ZNF287: variants seen among roughly 807,000 people sequenced by gnomAD.
ZNF287 encodes the protein zinc finger protein with KRAB and SCAN domains 13.
ZNF287 carries 31 observed loss-of-function variants against 73.7 expected under a neutral mutation model. The ratio of observed to expected loss-of-function variants is 0.42; its 90% CI spans 0.32 to 0.57. ZNF287 has a LOEUF of 0.57. Among genes scored for constraint, ZNF287 ranks in the 20% least tolerant of loss-of-function variants. The pLI is 0.13. For synonymous variants in ZNF287, 301 were observed against 307.2 expected, an observed-to-expected ratio of 0.98 and a Z score of 0.21; for missense variants, 641 against 909.3, an observed-to-expected ratio of 0.70 and a Z score of 3.79.
chr17:16,551,678 T>C lies in ZNF287; in HGVS notation c.*178A>G, dbSNP rs796342257. 31 of 575,602 alleles carry C rather than the reference T, an allele frequency of 5.4e-5. 1 individual carries two copies. In the African/African-American group the frequency reaches 5.5e-4, roughly 10 times the overall value. The allele number at this position is 575,602 out of a possible 1,614,324, so 35.7% of individuals were successfully genotyped here. ...ATTAAGGTTAAGAAGTCAAGTTTCC[T>C]TCTTAAATTTCACATTAAATCTAAA... On this transcript the variant is annotated 3_prime_UTR_variant, in exon 6 of 6. Transcript: ENST00000395825.
chr17:16,552,111 T>C lies in ZNF287; in HGVS notation c.2031A>G (p.Lys677=), dbSNP rs139615370. 7.8e-4 allele frequency: 1,262 copies of C among 1,614,098 alleles called. 17 individuals are homozygous for C. The African/African-American group carries it at 0.015, about 19-fold the overall frequency. ...TGAAAGCTTTCCCACATTCATTACATTTATAGGGTTTTTCTCCAGTATGAA... is the reference window on the plus strand; with the variant it reads ...TGAAAGCTTTCCCACATTCATTACACTTATAGGGTTTTTCTCCAGTATGAA... ...QRIHTGEKPY[K]CNECGKAFIY... The change falls in exon 6 of 6, where the codon AAA becomes AAG. Residue 677 remains lysine (K), a synonymous_variant. Transcript: ENST00000395825. The surrounding 1 kb of genome is among the most constrained non-coding windows in gnomAD (Gnocchi z 6.5).
intron 3 of ZNF287, among the ~76,000 whole-genome samples, chr17:16,564,884 A>C (rs1480722144): frequency 6.6e-6 from 1 of 151,592 alleles, no homozygotes; most frequent in Non-Finnish European, 1.5e-5. Flanking sequence ...ATGCCCAGCT[A>C]ATTTTTGTAT....
intron 5 of ZNF287, among the ~76,000 whole-genome samples, chr17:16,558,569 G>C (rs1907222612): frequency 6.6e-6 from 1 of 152,162 alleles, no homozygotes; most frequent in Admixed American, 6.5e-5. Flanking sequence ...CAAAGTGCTG[G>C]GGTTACAGGT....
At position 16,553,276 on chromosome 17, in the gene ZNF287, G is replaced by A; in HGVS notation, c.866C>T (p.Thr289Ile). 1 of 1,613,818 alleles carries A rather than the reference G, an allele frequency of 6.2e-7. No individual in the cohort carries two copies. Among genetic ancestry groups the A allele is most frequent in the Non-Finnish European group, 8.5e-7 (1 of 1,179,844 alleles). Residue 289 changes from threonine to isoleucine, a missense_variant, in exon 6 of 6, where the codon ACT becomes ATT. Physicochemically the swap from Thr to Ile is moderately conservative, Grantham distance 89. This residue lies in a region of ZNF287 where 357 missense variants were observed against 442.4 expected (regional missense o/e 0.81). Coordinates refer to ENST00000395825, the MANE Select transcript of ZNF287 (RefSeq NM_020653.4). ...CTTCAAACTGAAACCTCTTTCATCA[G>A]TGTGAATTTTCCAGAAGCCACCTTT... ...RGKGGFWKIH[T>I]DERGFSLKSV...
intron 5 of ZNF287, among the ~76,000 whole-genome samples, chr17:16,560,564 G>A (rs1435832202): frequency 6.6e-6 from 1 of 150,736 alleles, no homozygotes; most frequent in East Asian, 2.0e-4. Context: ...TGGCCAGGCT[G>A]GTCTTGAACT....
intron 5 of ZNF287, 105 bp from the exon 6 acceptor site, chr17:16,553,531 C>G: frequency 1.2e-6 from 1 of 864,948 alleles, no homozygotes; most frequent in Non-Finnish European, 1.6e-6. Context: ...AAGACAACAG[C>G]TCTGAAAACC....
chr17:16,564,173 A>G (rs1907613723), intron 3 of ZNF287, among the ~76,000 whole-genome samples: 1 of 152,302 alleles, frequency 6.6e-6, no homozygotes, highest in African/African-American at 2.4e-5. Flanking sequence ...CATTGCTGGC[A>G]GCTCCATTTT....
intron 5 of ZNF287, among the ~76,000 whole-genome samples, chr17:16,561,165 C>G (rs1006972676): frequency 6.6e-6 from 1 of 152,032 alleles, no homozygotes; most frequent in South Asian, 2.1e-4. Flanking sequence ...AATACAAAAA[C>G]TAGCCGGGTG....
rs148045591 is a variant in ZNF287 at position 16,567,571 on chromosome 17, T to C, written c.161A>G (p.Asn54Ser). ...DTETCRQNFR[N>S]FPYPDLAGPR... ...ACCAGCCAGGTCTGGGTATGGAAAA[T>C]TCCTAAAATTCTGTCGACAGGTCTC... Residue 54 changes from asparagine (N) to serine (S), a missense_variant, in exon 2 of 6, where the codon AAT becomes AGT. By Grantham distance (46) the Asn-to-Ser change is conservative (BLOSUM62 1). Around this residue, in one of 2 missense-constraint regions of ZNF287, gnomAD observed 357 missense variants for 442.4 expected, o/e 0.81. Transcript: ENST00000395825. 6 of 1,614,044 alleles carry C rather than the reference T, an allele frequency of 3.7e-6. No homozygotes were observed. The African/African-American group carries it at 8.0e-5, about 22-fold the overall frequency.
At chr17:16,556,426 A>G (rs1403213967) in intron 5 of ZNF287, among the ~76,000 whole-genome samples, 22 of 152,222 alleles carry the variant, frequency 1.4e-4, no homozygotes, top group Admixed American at 1.4e-3. Context: ...TAATGATATT[A>G]TAAGTTTTCT....
At chr17:16,566,690 A>G in intron 2 of ZNF287, 68 bp from the exon 3 acceptor site, 1 of 1,053,254 alleles carries the variant, frequency 9.5e-7, no homozygotes, top group Non-Finnish European at 1.4e-6. Context: ...CCCCTCACCA[A>G]ATAGATGCCT....
rs572996347 is a variant in ZNF287, at chr17:16,564,103, C to T, written c.502-278G>A. 2.0e-5 allele frequency among the ~76,000 whole-genome samples: 3 copies of T among 152,240 alleles called. No homozygotes were observed. In the East Asian group the frequency reaches 5.8e-4, roughly 29 times the overall value. On this transcript the variant is annotated intron_variant, in intron 3 of 5. Transcript: ENST00000395825. Reference sequence around the variant, plus strand: ...TCCATTTTAAACAGAAAAGGTTTATCATTACTATTTTTAAAAGAGACAGAG... The same window carrying T: ...TCCATTTTAAACAGAAAAGGTTTATTATTACTATTTTTAAAAGAGACAGAG...
chr17:16,568,387 A>C (rs1423963874), intron 1 of ZNF287, among the ~76,000 whole-genome samples: 2 of 152,122 alleles, frequency 1.3e-5, no homozygotes, highest in African/African-American at 2.4e-5. Context: ...CGAGCCATTT[A>C]TCTGCGTTGC....
intron 3 of ZNF287, among the ~76,000 whole-genome samples, chr17:16,564,825 T>G (rs1233554021): frequency 6.6e-6 from 1 of 151,986 alleles, no homozygotes; most frequent in African/African-American, 2.4e-5. Context: ...TCGCCCAGGC[T>G]GGAGTGCAGT....
rs770586135 is a variant in ZNF287, at chr17:16,563,207, C to A, written c.654G>T (p.Val218=). 7 of 1,613,612 alleles carry A rather than the reference C, an allele frequency of 4.3e-6. No individual in the cohort carries two copies. In the South Asian group the frequency reaches 6.6e-5, roughly 15 times the overall value. ...SLGLTVYRPT[V]IPILEEPWMV... is the part of the protein sequence containing the mutation. ...TCCATGGTTCTTCCAATATGGGAAT[C>A]ACAGTTGGTCTGTACACTGTAAGTC... Residue 218 remains valine, a synonymous_variant, in exon 5 of 6, where the codon GTG becomes GTT. Coordinates refer to ENST00000395825, the MANE Select transcript of ZNF287 (RefSeq NM_020653.4).
At chr17:16,563,558 G>T (rs970205937) in intron 4 of ZNF287, 141 bp downstream of exon 4, 8 of 963,350 alleles carry the variant, frequency 8.3e-6, no homozygotes, top group Non-Finnish European at 1.2e-5. Flanking sequence ...TTTGGAAAAC[G>T]GGAGTAAAAC....
chr17:16,561,222 G>A (rs1452652036), intron 5 of ZNF287, among the ~76,000 whole-genome samples: 2 of 152,138 alleles, frequency 1.3e-5, no homozygotes, highest in African/African-American at 4.8e-5. Context: ...GCTGAGGCAG[G>A]AGAATTGCTT....
intron 3 of ZNF287, among the ~76,000 whole-genome samples, 168 bp from the exon 4 acceptor site, chr17:16,563,993 G>C (rs1907600095): frequency 6.6e-6 from 1 of 152,176 alleles, no homozygotes; most frequent in Admixed American, 6.5e-5. Context: ...CAGCCCTACA[G>C]CATCTCTCCA....
chr17:16,567,560 G>C lies in ZNF287; in HGVS notation c.172C>G (p.Pro58Ala). Reference protein sequence around the residue: ...CRQNFRNFPYPDLAGPRKALS... With the variant: ...CRQNFRNFPYADLAGPRKALS... ...GCCTTTCGAGGACCAGCCAGGTCTG[G>C]GTATGGAAAATTCCTAAAATTCTGT... Residue 58 changes from proline (P) to alanine (A), a missense_variant, in exon 2 of 6, where the codon CCA becomes GCA. Pro to Ala is a conservative substitution (Grantham distance 27). Around this residue, in one of 2 missense-constraint regions of ZNF287, gnomAD observed 357 missense variants for 442.4 expected, o/e 0.81. Transcript: ENST00000395825. The C allele has an allele frequency of 6.2e-7, 1 of 1,614,166 alleles. No homozygotes were observed. The highest frequency in any genetic ancestry group is 8.5e-7 in the Non-Finnish European group (1 of 1,180,038).
Sources: gnomAD v4.1 joint callset for allele counts (sites outside exome capture counted in the v4.1 genomes callset) on GRCh38, gnomAD v4.1.1 for gene constraint, gnomAD v4.1.1 regional missense constraint, Gnocchi (gnomAD v3.1) non-coding constraint, MANE v1.5 for transcripts, NCBI Gene and HGNC (gene_info 2026-07-23, HGNC 2026-07-21) for gene names.